Variants in MSN observed in about 807,000 individuals in gnomAD.
The protein encoded by MSN is moesin, also known as epididymis luminal protein 70.
MSN carries 2 observed loss-of-function variants against 48.0 expected under a neutral mutation model. The ratio of observed to expected loss-of-function variants is 0.04; its 90% CI spans 0.02 to 0.13. MSN has a LOEUF of 0.13. Ranked by LOEUF, MSN falls within the 10% of genes least tolerant of loss-of-function variation. The probability of loss-of-function intolerance (pLI) is 1.00; values close to 1 mark genes in which losing one functional copy is unlikely to be tolerated. For synonymous variants in MSN, 146 were observed against 166.9 expected (o/e 0.87, Z 0.97); for missense variants, 267 against 470.1 (o/e 0.57, Z 3.99).
chrX:65,735,163 G>A (rs1256474062), intron 7 of MSN, 104 bp from the exon 8 acceptor site: 1 of 931,086 alleles, frequency 1.1e-6, no homozygotes, highest in African/African-American at 2.0e-5. Context: ...CAGGAGGTCA[G>A]ATTAAATATT....
rs2071702740 is a variant in MSN at position 65,738,517 on chromosome X, A to T, written c.1252-8A>T. 2 of 1,200,921 alleles carry T rather than the reference A, an allele frequency of 1.7e-6. No homozygotes were observed. Among genetic ancestry groups the T allele is most frequent in the Non-Finnish European group, 2.2e-6 (2 of 889,579 alleles). Reference sequence around the variant, plus strand: ...CCCAGCTCTCACAGGCTTCCAATTTATCCGTAGGCCTTGGAAATGGCAGAG... The same window carrying T: ...CCCAGCTCTCACAGGCTTCCAATTTTTCCGTAGGCCTTGGAAATGGCAGAG... On this transcript the variant is annotated splice_polypyrimidine_tract_variant and splice_region_variant and intron_variant, in intron 10 of 12. Coordinates refer to ENST00000360270, the MANE Select transcript of MSN (RefSeq NM_002444.3).
At chrX:65,623,232 C>T (rs1443374878) in intron 1 of MSN, among the ~76,000 whole-genome samples, 1 of 109,504 alleles carries the variant, frequency 9.1e-6, no homozygotes, top group Non-Finnish European at 1.9e-5. Context: ...CATTGTATGC[C>T]TTCATCTGGC....
chrX:65,624,900 AGGAAGG>A (rs1460084986), intron 1 of MSN: 4 of 111,985 alleles, frequency 3.6e-5, no homozygotes, highest in Non-Finnish European at 5.6e-5. Flanking sequence ...GAAGAAAGGA[AGGAAGG>A]AAGGAAGCAA....
At position 65,667,658 on chromosome X, in the gene MSN, C is replaced by CT. The variant is rs764223809; in HGVS notation, c.-181dup. The CT allele has an allele frequency of 9.5e-7, 1 of 1,047,671 alleles. No individual in the cohort carries two copies. Among genetic ancestry groups the CT allele is most frequent in the Non-Finnish European group, 1.2e-6 (1 of 809,701 alleles). The allele number at this position is 1,047,671 out of a possible 1,213,427, so 86.3% of individuals were successfully genotyped here. ...AGCGGGCGGCGCGACAGGGGCGGCT[C>CT]TTTCCTGGGTGGGGTTTGTGAAGTC... is the stretch of plus-strand genomic sequence containing the variant. On this transcript the variant is annotated 5_prime_UTR_variant, in exon 1 of 13. Transcript: ENST00000360270.
intron 1 of MSN, among the ~76,000 whole-genome samples, chrX:65,695,472 C>A (rs1364782577): frequency 1.1e-5 from 1 of 92,089 alleles, no homozygotes; most frequent in African/African-American, 4.3e-5. Context: ...CGTGCCATTG[C>A]ACTCCAGGCT....
intron 1 of MSN, among the ~76,000 whole-genome samples, chrX:65,651,787 T>TCACATTGGC (rs1463332045): frequency 9.4e-6 from 1 of 106,117 alleles, no homozygotes; most frequent in Admixed American, 1.0e-4. Context: ...TGGGGTTTCA[T>TCACATTGGC]CACATTGGCC....
At chrX:65,680,740 A>ATTTGT (rs1443788809) in intron 1 of MSN, among the ~76,000 whole-genome samples, 3 of 110,094 alleles carry the variant, frequency 2.7e-5, no homozygotes, top group Admixed American at 9.7e-5. Context: ...TTCAGGTTGA[A>ATTTGT]TTTGTTTTGT....
At chrX:65,600,146 A>G (rs1045760173) in intron 1 of MSN, among the ~76,000 whole-genome samples, 1 of 111,205 alleles carries the variant, frequency 9.0e-6, no homozygotes, top group Non-Finnish European at 1.9e-5. Context: ...AAGGAGAGAG[A>G]TGAGCAGAGG....
chrX:65,622,101 T>C (rs1294870928), intron 1 of MSN, among the ~76,000 whole-genome samples: 4 of 106,321 alleles, frequency 3.8e-5, no homozygotes, highest in East Asian at 5.8e-4. Context: ...CTTTTCTTTT[T>C]TTTTTTTTTT....
At chrX:65,620,874 T>C (rs975128234) in intron 1 of MSN, among the ~76,000 whole-genome samples, 2 of 110,031 alleles carry the variant, frequency 1.8e-5, no homozygotes, top group African/African-American at 6.6e-5. Context: ...TTCACTTTTT[T>C]TTTTTTTTGA....
intron 1 of MSN, among the ~76,000 whole-genome samples, chrX:65,631,091 GCTT>G (rs1182982059): frequency 9.4e-6 from 1 of 106,948 alleles, no homozygotes; most frequent in East Asian, 2.9e-4. Flanking sequence ...TCTATATCCT[GCTT>G]CTTTTTTTTT....
At chrX:65,645,636 C>T (rs1051036837) in intron 1 of MSN, among the ~76,000 whole-genome samples, 3 of 111,268 alleles carry the variant, frequency 2.7e-5, no homozygotes, top group Non-Finnish European at 3.8e-5. Context: ...AGACACAGAA[C>T]TTTGAATCTA....
intron 1 of MSN, among the ~76,000 whole-genome samples, chrX:65,634,386 G>T (rs2070582405): frequency 8.9e-6 from 1 of 112,457 alleles, no homozygotes; most frequent in Non-Finnish European, 1.9e-5. Context: ...GCCGAGGTGG[G>T]TGGATCACCT....
chrX:65,667,535 G>GGGCCT (rs2070885123), upstream of MSN: 1 of 678,778 alleles, frequency 1.5e-6, no homozygotes, highest in South Asian at 7.6e-5. Flanking sequence ...TGGCTGCGCC[G>GGGCCT]GGCCTGGCCA....
intron 1 of MSN, among the ~76,000 whole-genome samples, chrX:65,682,100 C>A (rs969680856): frequency 1.8e-5 from 2 of 111,445 alleles, no homozygotes; most frequent in African/African-American, 6.5e-5. Context: ...TAGAGGGTTT[C>A]TTAACATCCC....
intron 1 of MSN, among the ~76,000 whole-genome samples, chrX:65,622,083 C>G (rs1468055485): frequency 2.0e-5 from 2 of 101,507 alleles, no homozygotes; most frequent in African/African-American, 7.8e-5. Flanking sequence ...AGTTTTATTT[C>G]TTCTTTTCTT....
intron 1 of MSN, among the ~76,000 whole-genome samples, chrX:65,714,450 C>A (rs1230344294): frequency 9.0e-6 from 1 of 111,422 alleles, no homozygotes; most frequent in African/African-American, 3.3e-5. Context: ...TATAAAGGTT[C>A]CCTTTTCTTT....
chrX:65,622,105 T>C (rs1226244011), intron 1 of MSN, among the ~76,000 whole-genome samples: 1 of 106,548 alleles, frequency 9.4e-6, no homozygotes, highest in Non-Finnish European at 1.9e-5. Flanking sequence ...TCTTTTTTTT[T>C]TTTTTTTGAG....
chrX:65,601,191 C>T (rs188318543), intron 1 of MSN, among the ~76,000 whole-genome samples: 7 of 111,969 alleles, frequency 6.3e-5, no homozygotes, highest in Admixed American at 9.5e-5. Flanking sequence ...CTCTGACCAA[C>T]GTGTGACTGG....
Sources: allele counts gnomAD v4.1 joint callset (sites outside exome capture counted in the v4.1 genomes callset), GRCh38; gene constraint gnomAD v4.1.1; transcripts MANE v1.5; gene names NCBI Gene and HGNC (gene_info 2026-07-23, HGNC 2026-07-21).